The following ANO3 variants were observed in gnomAD, a reference collection of about 807,000 sequenced individuals.
ANO3 encodes the protein anoctamin-3.
Under a neutral mutation model 144.8 loss-of-function variants are expected in ANO3, and 99 were observed. That is an observed-to-expected ratio of 0.68 (90% CI 0.58 to 0.81). The LOEUF is 0.81. Ranked by LOEUF, ANO3 falls within the 30% of genes least tolerant of loss-of-function variation. The pLI is 0.00. For synonymous variants in ANO3, 414 were observed against 392.6 expected, an observed-to-expected ratio of 1.05 and a Z score of -0.64; for missense variants, 905 against 1,202.2, an observed-to-expected ratio of 0.75 and a Z score of 3.66.
At chr11:26,585,914 T>G (rs1851262240) in intron 14 of ANO3, among the ~76,000 whole-genome samples, 1 of 152,208 alleles carries the variant, frequency 6.6e-6, no homozygotes, top group African/African-American at 2.4e-5. Flanking sequence ...ATGGGTGTTA[T>G]AGATGTTAGA....
intron 1 of ANO3, among the ~76,000 whole-genome samples, chr11:26,242,432 A>G (rs1177171303): frequency 6.6e-6 from 1 of 152,176 alleles, no homozygotes. Flanking sequence ...CTTTCCCGTT[A>G]TGAAATATTT....
intron 1 of ANO3, among the ~76,000 whole-genome samples, chr11:26,325,468 T>C (rs149036818): frequency 6.6e-6 from 1 of 152,308 alleles, no homozygotes; most frequent in African/African-American, 2.4e-5. Context: ...TTCAGTGATA[T>C]TAAATATGGA....
chr11:26,224,682 G>T (rs777392640), intron 1 of ANO3, among the ~76,000 whole-genome samples: 1 of 152,184 alleles, frequency 6.6e-6, no homozygotes, highest in Non-Finnish European at 1.5e-5. Context: ...GCATCCTTTT[G>T]TCAAGGCTTT....
chr11:26,547,269 G>C (rs1235854092), intron 11 of ANO3, 147 bp from the exon 12 acceptor site: 1 of 714,028 alleles, frequency 1.4e-6, no homozygotes. Context: ...TTAACAAGCA[G>C]GAGTATTAGA....
intron 1 of ANO3, among the ~76,000 whole-genome samples, chr11:26,222,890 A>G (rs72872711): frequency 0.3 from 46,024 of 151,918 alleles, 7,706 homozygotes; most frequent in Non-Finnish European, 0.37. Flanking sequence ...AGGCCTCTGG[A>G]CCTGTGGTGG....
chr11:26,402,545 T>G (rs1250152225), intron 1 of ANO3, among the ~76,000 whole-genome samples: 1 of 151,942 alleles, frequency 6.6e-6, no homozygotes, highest in African/African-American at 2.4e-5. Flanking sequence ...GTTGGAAGCA[T>G]AGATTGCAAA....
At chr11:26,378,681 C>A (rs868538863) in intron 1 of ANO3, among the ~76,000 whole-genome samples, 3 of 151,848 alleles carry the variant, frequency 2.0e-5, no homozygotes, top group Middle Eastern at 3.4e-3. Flanking sequence ...AACAGAGGGG[C>A]AAATTGAGGT....
intron 1 of ANO3, among the ~76,000 whole-genome samples, chr11:26,406,721 G>A (rs988550340): frequency 2.3e-5 from 3 of 132,550 alleles, no homozygotes; most frequent in East Asian, 2.3e-4. Context: ...GTGTGTGTGT[G>A]TGTGGATTGG....
intron 1 of ANO3, among the ~76,000 whole-genome samples, chr11:26,239,652 A>T (rs1320374752): frequency 6.6e-6 from 1 of 152,168 alleles, no homozygotes; most frequent in Non-Finnish European, 1.5e-5. Flanking sequence ...TTGCTTCCTT[A>T]TTAACACCTT....
Position 26,441,913 on chromosome 11 carries a change from T to C in ANO3, c.47-5T>C. 2 of 1,606,422 alleles carry C rather than the reference T, an allele frequency of 1.2e-6. No individual in the cohort carries two copies. Among genetic ancestry groups the C allele is most frequent in the Non-Finnish European group, 1.7e-6 (2 of 1,176,956 alleles). On this transcript the variant is annotated splice_region_variant and splice_polypyrimidine_tract_variant and intron_variant, in intron 1 of 26. Coordinates refer to ENST00000256737, the MANE Select transcript of ANO3 (RefSeq NM_031418.4). ...TTGCTAAAACTCAACATTTTGGATTTGCAGGTATGAATATAAGCAAGAGTG... is the reference window on the plus strand; with the variant it reads ...TTGCTAAAACTCAACATTTTGGATTCGCAGGTATGAATATAAGCAAGAGTG...
rs368200541 is a variant in ANO3 at position 26,452,133 on chromosome 11, A to G, written c.313+8297A>G. On this transcript the variant is annotated intron_variant, in intron 3 of 26. Transcript: ENST00000256737. ...GTAGATAAAACCACAAAGATGGGGA[A>G]AAAACAGAGCAGAAAAACTGGAAAC... Among the ~76,000 whole-genome samples the G allele has an allele frequency of 1.9e-4, 29 of 152,340 alleles. No homozygotes were observed. The South Asian group carries it at 6.0e-3, about 32-fold the overall frequency.
In ANO3 at chr11:26,651,470, T is replaced by C. The variant is rs1008022191; in HGVS notation, c.2576+3614T>C. Among the ~76,000 whole-genome samples, 5 of 152,200 alleles carry C rather than the reference T, an allele frequency of 3.3e-5. No individual in the cohort carries two copies. In the East Asian group the frequency reaches 7.7e-4, roughly 23 times the overall value. On this transcript the variant is annotated intron_variant, in intron 24 of 26. Coordinates refer to ENST00000256737, the MANE Select transcript of ANO3 (RefSeq NM_031418.4). ...AACAGATTTTATATAGAACCAGATA[T>C]GAGAACCTAGCCGTCTTCTGTTAAA...
intron 1 of ANO3, among the ~76,000 whole-genome samples, chr11:26,441,544 G>A (rs7928517): frequency 1.3e-5 from 2 of 152,168 alleles, no homozygotes; most frequent in Non-Finnish European, 2.9e-5. Context: ...AATTTCAATG[G>A]TTATATATTA....
chr11:26,397,321 G>T lies in ANO3; in HGVS notation c.47-44597G>T, dbSNP rs1857041673. On this transcript the variant is annotated intron_variant, in intron 1 of 26. Transcript: ENST00000256737. ...GTAATGAGTAAGATCTAACCTCATA[G>T]CCTAGGCTTTAGAAGTTTTCAACTG... Among the ~76,000 whole-genome samples, 3 of 151,986 alleles carry T rather than the reference G, an allele frequency of 2.0e-5. No homozygotes were observed. The South Asian group carries it at 6.2e-4, about 32-fold the overall frequency.
chr11:26,587,636 G>A (rs1485133142), intron 14 of ANO3, among the ~76,000 whole-genome samples: 1 of 152,118 alleles, frequency 6.6e-6, no homozygotes, highest in African/African-American at 2.4e-5. Context: ...CTGCAAGATA[G>A]GTCCCACTAC....
intron 26 of ANO3, among the ~76,000 whole-genome samples, chr11:26,658,800 C>A (rs1042493208): frequency 6.6e-6 from 1 of 152,002 alleles, no homozygotes; most frequent in Non-Finnish European, 1.5e-5. Flanking sequence ...AAAAATATGA[C>A]CTTCCTTATT....
intron 1 of ANO3, among the ~76,000 whole-genome samples, chr11:26,320,704 G>A (rs912777141): frequency 6.6e-6 from 1 of 151,786 alleles, no homozygotes; most frequent in African/African-American, 2.4e-5. Flanking sequence ...TTTACATAAT[G>A]TTTCTGTTTA....
At chr11:26,338,180 G>T (rs1442651228) in intron 1 of ANO3, among the ~76,000 whole-genome samples, 1 of 151,968 alleles carries the variant, frequency 6.6e-6, no homozygotes, top group Non-Finnish European at 1.5e-5. Context: ...ATTACCCATT[G>T]AGAGGTGAAG....
chr11:26,465,702 G>A (rs186585829), intron 4 of ANO3, among the ~76,000 whole-genome samples: 20 of 151,962 alleles, frequency 1.3e-4, no homozygotes, highest in Non-Finnish European at 2.7e-4. Flanking sequence ...GTTATGAAAC[G>A]TAAAAACAAA....
Sources: gnomAD v4.1 joint callset for allele counts (sites outside exome capture counted in the v4.1 genomes callset) on GRCh38, gnomAD v4.1.1 for gene constraint, MANE v1.5 for transcripts, NCBI Gene and HGNC (gene_info 2026-07-23, HGNC 2026-07-21) for gene names.